Variants in APBB2 observed in about 807,000 individuals in gnomAD.
APBB2 encodes the protein Fe65-like 1.
A neutral mutation model predicts 82.5 loss-of-function variants in APBB2; 38 were observed. The observed-to-expected ratio is 0.46, with a 90% CI of 0.36 to 0.60. APBB2 has a LOEUF of 0.60. Among genes scored for constraint, APBB2 ranks in the 20% least tolerant of loss-of-function variants. APBB2 has a pLI of 0.00. For synonymous variants in APBB2, 341 were observed against 368.2 expected (o/e 0.93, Z 0.85); for missense variants, 772 against 972.3 (o/e 0.79, Z 2.74).
intron 2 of APBB2, among the ~76,000 whole-genome samples, chr4:41,136,584 C>T (rs923911082): frequency 1.3e-5 from 2 of 152,096 alleles, no homozygotes; most frequent in African/African-American, 4.8e-5. Context: ...GAGAAGATTA[C>T]GAAGAAAGCA....
chr4:40,896,119 C>T (rs1226334367), intron 10 of APBB2, among the ~76,000 whole-genome samples: 1 of 151,744 alleles, frequency 6.6e-6, no homozygotes, highest in African/African-American at 2.4e-5. Context: ...GGCTGGAGTG[C>T]AATGGCATGA....
intron 1 of APBB2, among the ~76,000 whole-genome samples, chr4:41,167,011 G>A (rs1766853849): frequency 6.6e-6 from 1 of 152,154 alleles, no homozygotes; most frequent in African/African-American, 2.4e-5. Flanking sequence ...ACAAATTTGG[G>A]GGTTTCCACA....
Position 40,858,437 on chromosome 4 carries a change from A to AGAGT in APBB2, c.1530-27864_1530-27861dup, listed in dbSNP as rs1257802225. 3.6e-5 allele frequency among the ~76,000 whole-genome samples: 5 copies of AGAGT among 138,962 alleles called. No individual in the cohort carries two copies. The South Asian group carries it at 1.2e-3, about 34-fold the overall frequency. 91.2% of individuals were successfully genotyped at this position (138,962 alleles called of 152,430 possible). A position where few individuals can be genotyped will look rare whatever the true frequency, so the allele number is the denominator to read the frequency against. ...GCCACTGCACTCCAGCCTGAGTGAC[A>AGAGT]GAGTGAGAGTCCGTCTCAAAAAAAA... On this transcript the variant is annotated intron_variant, in intron 12 of 17. Coordinates refer to ENST00000508593, the MANE Select transcript of APBB2 (RefSeq NM_004307.2).
At chr4:41,010,954 T>G (rs922160399) in intron 6 of APBB2, among the ~76,000 whole-genome samples, 2 of 152,116 alleles carry the variant, frequency 1.3e-5, no homozygotes, top group Non-Finnish European at 1.5e-5. Flanking sequence ...GTTTCTTTTT[T>G]TATCCTTCTA....
chr4:40,985,958 G>A (rs1004684346), intron 6 of APBB2, among the ~76,000 whole-genome samples: 1 of 152,132 alleles, frequency 6.6e-6, no homozygotes, highest in Admixed American at 6.5e-5. Context: ...CCGGTAATAG[G>A]TTGTCCCAGA....
intron 2 of APBB2, among the ~76,000 whole-genome samples, chr4:41,132,366 A>C (rs1171697428): frequency 1.3e-5 from 2 of 152,204 alleles, no homozygotes; most frequent in African/African-American, 2.4e-5. Context: ...GGTTTTAATT[A>C]AGAGAAAAGC....
At chr4:41,183,111 TTCTC>T (rs754127681) in intron 1 of APBB2, among the ~76,000 whole-genome samples, 1 of 152,022 alleles carries the variant, frequency 6.6e-6, no homozygotes, top group Non-Finnish European at 1.5e-5. Context: ...TACATTCTCT[TTCTC>T]TCTCTCTCAG....
chr4:41,197,131 C>T, intron 1 of APBB2, among the ~76,000 whole-genome samples: 1 of 152,080 alleles, frequency 6.6e-6, no homozygotes, highest in Non-Finnish European at 1.5e-5. Flanking sequence ...TTTATTTTGC[C>T]TAATCAGCAA....
chr4:41,113,655 T>C (rs561098842), intron 2 of APBB2, among the ~76,000 whole-genome samples: 1 of 152,336 alleles, frequency 6.6e-6, no homozygotes, highest in African/African-American at 2.4e-5. Flanking sequence ...GAAATGAATT[T>C]AGAAAGTTTG....
intron 1 of APBB2, among the ~76,000 whole-genome samples, chr4:41,202,267 C>T (rs1180318382): frequency 6.6e-6 from 1 of 152,186 alleles, no homozygotes; most frequent in African/African-American, 2.4e-5. Flanking sequence ...TACTGTCTGT[C>T]TCTAAATTTA....
intron 4 of APBB2, among the ~76,000 whole-genome samples, 159 bp from the exon 5 acceptor site, chr4:41,033,463 C>T (rs1301693961): frequency 6.6e-6 from 1 of 151,996 alleles, no homozygotes; most frequent in Non-Finnish European, 1.5e-5. Context: ...GTTGGTCATA[C>T]CACTTTTGAT....
At chr4:41,043,808 TAC>T (rs1579502840) in intron 4 of APBB2, among the ~76,000 whole-genome samples, 1 of 152,232 alleles carries the variant, frequency 6.6e-6, no homozygotes, top group East Asian at 1.9e-4. Flanking sequence ...TTATTTAATC[TAC>T]ATCGCCTCTA....
At chr4:41,048,658 T>A (rs1337052226) in intron 4 of APBB2, among the ~76,000 whole-genome samples, 1 of 43,438 alleles carries the variant, frequency 2.3e-5, no homozygotes, top group Non-Finnish European at 4.6e-5. Context: ...TCCCCCTCCC[T>A]CTCCCTCCCG....
intron 6 of APBB2, among the ~76,000 whole-genome samples, chr4:40,986,871 G>T (rs1381326119): frequency 6.6e-6 from 1 of 152,156 alleles, no homozygotes; most frequent in Non-Finnish European, 1.5e-5. Flanking sequence ...AGGAAACAAA[G>T]ATTCTTTCCA....
At chr4:40,941,944 G>A (rs1025472684) in intron 7 of APBB2, among the ~76,000 whole-genome samples, 1 of 152,100 alleles carries the variant, frequency 6.6e-6, no homozygotes, top group Non-Finnish European at 1.5e-5. Flanking sequence ...ACCACATAAG[G>A]GTTTTATGGG....
At chr4:41,008,215 G>C (rs955157274) in intron 6 of APBB2, among the ~76,000 whole-genome samples, 4 of 152,208 alleles carry the variant, frequency 2.6e-5, no homozygotes, top group African/African-American at 9.6e-5. Flanking sequence ...CCACCTGAGA[G>C]TGAGAAAGTA....
At chr4:41,080,062 T>C (rs1310807386) in intron 3 of APBB2, among the ~76,000 whole-genome samples, 7 of 152,188 alleles carry the variant, frequency 4.6e-5, no homozygotes, top group Non-Finnish European at 1.0e-4. Flanking sequence ...TTCTTTGTCT[T>C]TCCACTGAAA....
intron 16 of APBB2, chr4:40,822,262 C>T: frequency 1.8e-6 from 1 of 569,582 alleles, no homozygotes; most frequent in East Asian, 3.0e-5. Flanking sequence ...CTCTGAACTA[C>T]ACTGCTGTCA....
At chr4:40,901,811 G>A (rs1291486785) in intron 10 of APBB2, among the ~76,000 whole-genome samples, 3 of 152,168 alleles carry the variant, frequency 2.0e-5, no homozygotes, top group Non-Finnish European at 2.9e-5. Context: ...CACCGCGCTC[G>A]GCCACACTTC....
Sources: allele counts gnomAD v4.1 joint callset (sites outside exome capture counted in the v4.1 genomes callset), GRCh38; gene constraint gnomAD v4.1.1; transcripts MANE v1.5; gene names NCBI Gene and HGNC (gene_info 2026-07-23, HGNC 2026-07-21).